The following SPIDR variants were observed in gnomAD, a reference collection of about 807,000 sequenced individuals.
SPIDR encodes the protein DNA repair-scaffolding protein.
Under a neutral mutation model 104.6 loss-of-function variants are expected in SPIDR, and 93 were observed. The ratio of observed to expected loss-of-function variants is 0.89; its 90% confidence interval spans 0.75 to 1.06. The LOEUF (loss-of-function observed/expected upper bound fraction) is 1.06, where lower values mean the gene tolerates loss of function less well. SPIDR is among the 50% of genes least tolerant of loss of function. The pLI, the probability that SPIDR is intolerant of heterozygous loss-of-function variation, is 0.00. For synonymous variants in SPIDR, 431 were observed against 416.9 expected (o/e 1.03, Z -0.41); for missense variants, 1,154 against 1,111.2 (o/e 1.04, Z -0.55).
chr8:47,522,151 G>A (rs1211783706), intron 8 of SPIDR, among the ~76,000 whole-genome samples: 11 of 144,824 alleles, frequency 7.6e-5, no homozygotes, highest in South Asian at 2.2e-4. Flanking sequence ...CAGCTTGGGC[G>A]ACAAGAGCGA....
At chr8:47,679,563 G>T (rs1302074416) in intron 11 of SPIDR, among the ~76,000 whole-genome samples, 1 of 151,352 alleles carries the variant, frequency 6.6e-6, no homozygotes, top group Non-Finnish European at 1.5e-5. Flanking sequence ...TCCAGTGCTG[G>T]CCTGTGCCAT....
intron 10 of SPIDR, among the ~76,000 whole-genome samples, chr8:47,617,732 T>G (rs1405745352): frequency 6.6e-6 from 1 of 152,246 alleles, no homozygotes; most frequent in Non-Finnish European, 1.5e-5. Flanking sequence ...AAACAGCTCC[T>G]GTCCTAAAAT....
chr8:47,596,028 G>T (rs781130297), intron 9 of SPIDR, 22 bp downstream of exon 9: 19 of 1,584,228 alleles, frequency 1.2e-5, no homozygotes, highest in Non-Finnish European at 1.6e-5. Flanking sequence ...TTGGCCTAAA[G>T]GTTTTATGCT....
chr8:47,571,863 G>T (rs1169835595), intron 8 of SPIDR, among the ~76,000 whole-genome samples: 1 of 152,144 alleles, frequency 6.6e-6, no homozygotes, highest in Non-Finnish European at 1.5e-5. Context: ...ATTGTACTGT[G>T]CTCACCTATT....
chr8:47,448,185 T>C (rs931169132), intron 8 of SPIDR, among the ~76,000 whole-genome samples: 2 of 152,232 alleles, frequency 1.3e-5, no homozygotes, highest in Non-Finnish European at 2.9e-5. Flanking sequence ...CTTTATCTGC[T>C]TAATGTCTTA....
chr8:47,321,650 T>C lies in SPIDR; in HGVS notation c.525+27620T>C, dbSNP rs565237114. Among the ~76,000 whole-genome samples the C allele has an allele frequency of 1.3e-3, 202 of 151,944 alleles. 1 individual carries two copies. The highest frequency in any genetic ancestry group is 3.5e-3 in the African/African-American group (144 of 41,476). Reference sequence around the variant, plus strand: ...CGGTATTGCCAAGTCAATCCTAAGGTGAAAGAACAAAGCTGGAGGCATCGT... The same window carrying C: ...CGGTATTGCCAAGTCAATCCTAAGGCGAAAGAACAAAGCTGGAGGCATCGT... On this transcript the variant is annotated intron_variant, in intron 5 of 19. Coordinates refer to ENST00000297423, the MANE Select transcript of SPIDR (RefSeq NM_001080394.4).
intron 8 of SPIDR, among the ~76,000 whole-genome samples, chr8:47,483,191 AC>A (rs1405821358): frequency 2.0e-5 from 3 of 151,562 alleles, no homozygotes; most frequent in African/African-American, 7.3e-5. Context: ...CTTTTATTTT[AC>A]GCTTGGGGTT....
intron 5 of SPIDR, among the ~76,000 whole-genome samples, chr8:47,322,325 A>G (rs952454684): frequency 1.3e-5 from 2 of 152,228 alleles, no homozygotes; most frequent in African/African-American, 4.8e-5. Flanking sequence ...CAGCCAAAAG[A>G]CACTTGAAAA....
chr8:47,491,486 A>G (rs1554739529), intron 8 of SPIDR, among the ~76,000 whole-genome samples: 2 of 152,086 alleles, frequency 1.3e-5, no homozygotes, highest in Non-Finnish European at 1.5e-5. Context: ...ATATATATAT[A>G]TAGTTCATGA....
At chr8:47,483,511 T>C (rs1340693348) in intron 8 of SPIDR, among the ~76,000 whole-genome samples, 1 of 152,140 alleles carries the variant, frequency 6.6e-6, no homozygotes, top group Non-Finnish European at 1.5e-5. Context: ...TTCCCAAAAG[T>C]AGTCAGTGTA....
At chr8:47,395,355 A>G (rs2061136166) in intron 5 of SPIDR, among the ~76,000 whole-genome samples, 1 of 152,166 alleles carries the variant, frequency 6.6e-6, no homozygotes, top group Non-Finnish European at 1.5e-5. Flanking sequence ...TCTCAAAGAA[A>G]AAAGAAGAAA....
intron 8 of SPIDR, among the ~76,000 whole-genome samples, chr8:47,545,135 T>TTG (rs2089112222): frequency 7.3e-6 from 1 of 137,676 alleles, no homozygotes; most frequent in Non-Finnish European, 1.6e-5. Flanking sequence ...TTTTTTTTTT[T>TTG]GTTGAAACGG....
chr8:47,425,866 T>G (rs2066322840), intron 7 of SPIDR, among the ~76,000 whole-genome samples: 1 of 152,162 alleles, frequency 6.6e-6, no homozygotes, highest in African/African-American at 2.4e-5. Context: ...CATTTTGTAT[T>G]GAAATATAAG....
At chr8:47,707,251 T>TG (rs2061857491) in intron 14 of SPIDR, among the ~76,000 whole-genome samples, 1 of 108,742 alleles carries the variant, frequency 9.2e-6, no homozygotes, top group Admixed American at 9.3e-5. Context: ...AGACTCTTTC[T>TG]CAAAAAAAAA....
intron 8 of SPIDR, among the ~76,000 whole-genome samples, chr8:47,555,248 C>A (rs1350966444): frequency 6.6e-6 from 1 of 152,124 alleles, no homozygotes; most frequent in African/African-American, 2.4e-5. Flanking sequence ...CCAGCCATGC[C>A]ACTTTATTTC....
intron 5 of SPIDR, among the ~76,000 whole-genome samples, chr8:47,302,391 G>C (rs9802153): frequency 0.02 from 3,074 of 152,020 alleles, 239 homozygotes; most frequent in Admixed American, 0.14. Context: ...TGGGTTCGAA[G>C]TTCCTCCTTT....
chr8:47,296,137 G>C (rs953775532), intron 5 of SPIDR, among the ~76,000 whole-genome samples: 2 of 152,040 alleles, frequency 1.3e-5, no homozygotes. Flanking sequence ...TTGTTTTCTT[G>C]CTATTGAGTT....
chr8:47,685,679 C>T (rs957373053), intron 11 of SPIDR, among the ~76,000 whole-genome samples: 4 of 151,498 alleles, frequency 2.6e-5, no homozygotes, highest in Non-Finnish European at 5.9e-5. Context: ...CTCAACCTCC[C>T]GAATAGCTGG....
intron 3 of SPIDR, among the ~76,000 whole-genome samples, chr8:47,284,531 A>G (rs2038435933): frequency 6.6e-6 from 1 of 152,208 alleles, no homozygotes; most frequent in African/African-American, 2.4e-5. Flanking sequence ...AGTAGTAGAA[A>G]ACTCTGTTCA....
Sources: allele counts gnomAD v4.1 joint callset (sites outside exome capture counted in the v4.1 genomes callset), GRCh38; gene constraint gnomAD v4.1.1; transcripts MANE v1.5; gene names NCBI Gene and HGNC (gene_info 2026-07-23, HGNC 2026-07-21).